The following TASP1 variants were observed in gnomAD, a reference collection of about 807,000 sequenced individuals.
TASP1 encodes threonine aspartase 1.
In TASP1, 16 loss-of-function variants were observed where a neutral mutation model predicts 56.6. The observed-to-expected ratio is 0.28, with a 90% confidence interval of 0.19 to 0.43. TASP1 has a LOEUF of 0.43. Among genes scored for constraint, TASP1 ranks in the 20% least tolerant of loss-of-function variants. The pLI is 1.00. For synonymous variants in TASP1, 179 were observed against 184.2 expected (o/e 0.97, Z 0.23); for missense variants, 393 against 511.6 (o/e 0.77, Z 2.24).
intron 5 of TASP1, among the ~76,000 whole-genome samples, chr20:13,582,691 G>C (rs2047168919): frequency 6.6e-6 from 1 of 152,112 alleles, no homozygotes; most frequent in African/African-American, 2.4e-5. Flanking sequence ...TTTCAAATCA[G>C]TAGGAAAAGG....
chr20:13,244,475 T>A, the TASP1 span: 1 of 152,126 alleles, frequency 6.6e-6, no homozygotes, highest in Non-Finnish European at 1.5e-5. Context: ...TACAAATTAT[T>A]TGGTAAGGCA....
the TASP1 span, among the ~76,000 whole-genome samples, chr20:13,353,267 T>A: frequency 2.1e-5 from 3 of 144,166 alleles, no homozygotes; most frequent in South Asian, 2.2e-4. Flanking sequence ...AAAAAAAAAA[T>A]GCCTTCCCTG....
chr20:13,604,010 C>T (rs913472262), intron 4 of TASP1, among the ~76,000 whole-genome samples: 27 of 152,276 alleles, frequency 1.8e-4, no homozygotes, highest in Admixed American at 8.5e-4. Flanking sequence ...TTCTGTTAGG[C>T]CGATTTAGCT....
At chr20:13,142,336 C>T in the TASP1 span, among the ~76,000 whole-genome samples, 1 of 152,130 alleles carries the variant, frequency 6.6e-6, no homozygotes, top group East Asian at 1.9e-4. Flanking sequence ...TGTGGTTGGA[C>T]CCTGAGATGG....
chr20:13,606,217 G>C (rs1172925024), intron 4 of TASP1, among the ~76,000 whole-genome samples: 2 of 152,018 alleles, frequency 1.3e-5, no homozygotes, highest in African/African-American at 4.8e-5. Flanking sequence ...TTATAAAGAA[G>C]AATGAAGTGG....
chr20:13,198,855 T>TTTCC, the TASP1 span, among the ~76,000 whole-genome samples: 25 of 74,640 alleles, frequency 3.3e-4, no homozygotes, highest in African/African-American at 1.0e-3. Flanking sequence ...TCTTTCTTTC[T>TTTCC]TTCCTTCCTT....
At chr20:13,287,132 C>T in the TASP1 span, among the ~76,000 whole-genome samples, 1 of 152,182 alleles carries the variant, frequency 6.6e-6, no homozygotes. Context: ...TTAGTCTATT[C>T]TCATACTGCT....
intron 11 of TASP1, among the ~76,000 whole-genome samples, chr20:13,442,020 C>A (rs1227650188): frequency 6.6e-6 from 1 of 152,086 alleles, no homozygotes; most frequent in Non-Finnish European, 1.5e-5. Flanking sequence ...CTTTCTTATC[C>A]TTCCCAATCT....
the TASP1 span, among the ~76,000 whole-genome samples, chr20:13,220,668 C>A: frequency 4.6e-5 from 7 of 152,236 alleles, no homozygotes; most frequent in African/African-American, 1.7e-4. Context: ...CTCTACGGGG[C>A]GCCGCGGATC....
chr20:13,433,520 C>CAAAAAAAAAAA lies in TASP1; in HGVS notation c.1096+1513_1096+1523dup, dbSNP rs74746255. On this transcript the variant is annotated intron_variant, in intron 12 of 13. Transcript: ENST00000337743. ...CAGAGGGTAGAAGGAGACAGTATGG[C>CAAAAAAAAAAA]AAAAAAAAAAAAAAAAAAAAATACA... Among the ~76,000 whole-genome samples, 38 of 89,188 alleles carry CAAAAAAAAAAA rather than the reference C, an allele frequency of 4.3e-4. 3 individuals are homozygous for CAAAAAAAAAAA. The highest frequency in any genetic ancestry group is 1.7e-3 in the African/African-American group (35 of 20,966). The allele number at this position is 89,188 out of a possible 152,430, so 58.5% of individuals were successfully genotyped here.
intron 9 of TASP1, 74 bp downstream of exon 9, chr20:13,533,948 G>C: frequency 6.6e-7 from 1 of 1,513,692 alleles, no homozygotes. Flanking sequence ...TGTTCCCACT[G>C]GTTAAAAAAT....
At chr20:13,512,482 T>A (rs2044371440) in intron 10 of TASP1, among the ~76,000 whole-genome samples, 1 of 152,182 alleles carries the variant, frequency 6.6e-6, no homozygotes, top group East Asian at 1.9e-4. Flanking sequence ...GTTGGAGTTC[T>A]TTGTAGGTTC....
At chr20:13,292,160 CT>C in the TASP1 span, among the ~76,000 whole-genome samples, 2 of 152,230 alleles carry the variant, frequency 1.3e-5, no homozygotes, top group Non-Finnish European at 2.9e-5. Flanking sequence ...ACATTTGGAT[CT>C]GATTTCACGT....
At chr20:13,511,652 C>A (rs564702952) in intron 10 of TASP1, among the ~76,000 whole-genome samples, 1 of 151,964 alleles carries the variant, frequency 6.6e-6, no homozygotes, top group African/African-American at 2.4e-5. Context: ...GCACAATGTA[C>A]AGGTTTGTTA....
chr20:13,260,575 T>A, the TASP1 span, among the ~76,000 whole-genome samples: 1 of 152,036 alleles, frequency 6.6e-6, no homozygotes, highest in South Asian at 2.1e-4. Flanking sequence ...CTCAATTTGA[T>A]GTTTTCAGCA....
chr20:13,391,483 A>G (rs1334577221), intron 13 of TASP1, among the ~76,000 whole-genome samples: 1 of 152,184 alleles, frequency 6.6e-6, no homozygotes, highest in Non-Finnish European at 1.5e-5. Context: ...TGTTCTCTAA[A>G]CGAGCTTTTC....
At chr20:13,299,159 C>G in the TASP1 span, 1 of 1,611,040 alleles carries the variant, frequency 6.2e-7, no homozygotes, top group Non-Finnish European at 8.5e-7. This position sits in a 1 kb window ranked among gnomAD's most constrained non-coding sequence, Gnocchi z 5.8. Context: ...AGCCCACTGC[C>G]CGGTACTGCA....
the TASP1 span, among the ~76,000 whole-genome samples, chr20:13,275,320 G>A: frequency 6.6e-6 from 1 of 152,098 alleles, no homozygotes; most frequent in East Asian, 1.9e-4. Context: ...ACAGTTGTAC[G>A]TGCTTCTACT....
the TASP1 span, among the ~76,000 whole-genome samples, chr20:13,114,413 G>C: frequency 2.0e-5 from 3 of 152,196 alleles, no homozygotes; most frequent in Admixed American, 1.3e-4. Flanking sequence ...ATATCCTTGA[G>C]GTGTGGTGTC....
Sources: gnomAD v4.1 joint callset for allele counts (sites outside exome capture counted in the v4.1 genomes callset) on GRCh38, gnomAD v4.1.1 for gene constraint, Gnocchi (gnomAD v3.1) non-coding constraint, MANE v1.5 for transcripts, NCBI Gene and HGNC (gene_info 2026-07-23, HGNC 2026-07-21) for gene names.